SEM1: variants seen among roughly 807,000 people sequenced by gnomAD.
SEM1 encodes 26S proteasome complex subunit SEM1.
In SEM1, 3 loss-of-function variants were observed where a neutral mutation model predicts 12.7. The ratio of observed to expected loss-of-function variants is 0.24; its 90% CI spans 0.11 to 0.61. The LOEUF (loss-of-function observed/expected upper bound fraction) is 0.61. Among genes scored for constraint, SEM1 ranks in the 20% least tolerant of loss-of-function variants. The pLI, the probability that SEM1 is intolerant of heterozygous loss-of-function variation, is 0.88. For synonymous variants in SEM1, 30 were observed against 27.8 expected, an observed-to-expected ratio of 1.08 and a Z score of -0.25; for missense variants, 59 against 81.3, an observed-to-expected ratio of 0.73 and a Z score of 1.06.
At chr7:96,624,881 T>G (rs1341810890) in intron 2 of SEM1, among the ~76,000 whole-genome samples, 2 of 152,178 alleles carry the variant, frequency 1.3e-5, no homozygotes, top group Non-Finnish European at 2.9e-5. Context: ...TTGTAGACTT[T>G]TAGCCAATCT....
intron 2 of SEM1, among the ~76,000 whole-genome samples, chr7:96,529,199 T>G (rs1170958829): frequency 6.6e-6 from 1 of 151,936 alleles, no homozygotes; most frequent in African/African-American, 2.4e-5. Flanking sequence ...ATTCCTTCCC[T>G]CCTCCCAATC....
chr7:96,492,585 ATTTTTTTTTTT>A (rs59252542), intron 1 of SEM1, among the ~76,000 whole-genome samples: 13 of 79,674 alleles, frequency 1.6e-4, no homozygotes, highest in Admixed American at 6.8e-4. Flanking sequence ...AATTTTTTGT[ATTTTTTTTTTT>A]TTTTTTTTTT....
chr7:96,580,644 T>G (rs1806364814), intron 2 of SEM1, among the ~76,000 whole-genome samples: 1 of 151,778 alleles, frequency 6.6e-6, no homozygotes, highest in African/African-American at 2.4e-5. Context: ...GTTTCCTGAC[T>G]TTTTAATGAT....
intron 2 of SEM1, among the ~76,000 whole-genome samples, chr7:96,588,397 C>A (rs762871364): frequency 4.2e-5 from 3 of 72,258 alleles, no homozygotes; most frequent in African/African-American, 1.4e-4. Context: ...CACACACACA[C>A]GAGAGAGAGA....
chr7:96,511,966 G>A (rs1208531681), intron 2 of SEM1, among the ~76,000 whole-genome samples: 1 of 152,094 alleles, frequency 6.6e-6, no homozygotes, highest in Non-Finnish European at 1.5e-5. Flanking sequence ...CTGGGGTGGA[G>A]CCATAGATTC....
chr7:96,494,321 A>G (rs1474374960), intron 1 of SEM1, among the ~76,000 whole-genome samples: 1 of 152,202 alleles, frequency 6.6e-6, no homozygotes, highest in East Asian at 1.9e-4. Flanking sequence ...TCTCCTAAGC[A>G]TTTTGATTAC....
rs531307457 is a variant in SEM1, at chr7:96,542,363, G to A, written c.171-35665C>T. 1.4e-4 allele frequency among the ~76,000 whole-genome samples: 22 copies of A among 151,900 alleles called. No individual in the cohort carries two copies. In the South Asian group the frequency reaches 4.6e-3, roughly 32 times the overall value. The stretch of plus-strand genomic sequence containing the variant: ...TAGGTATTTTGTTTGTGTGGCTGTT[G>A]TAAATGGTATTGTATTCTTGATTTG... On this transcript the variant is annotated intron_variant and NMD_transcript_variant, in intron 2 of 3. Transcript: ENST00000466986.
intron 2 of SEM1, among the ~76,000 whole-genome samples, chr7:96,551,824 C>T (rs1563056721): frequency 6.6e-6 from 1 of 152,014 alleles, no homozygotes; most frequent in Non-Finnish European, 1.5e-5. Flanking sequence ...CTGGCAGCCA[C>T]CAGAAACTAG....
At chr7:96,689,453 T>C (rs1466736538) in intron 2 of SEM1, among the ~76,000 whole-genome samples, 1 of 152,216 alleles carries the variant, frequency 6.6e-6, no homozygotes, top group Non-Finnish European at 1.5e-5. Context: ...TTGACATATA[T>C]GTATTGCTCT....
rs559108725 is a variant in SEM1 at position 96,661,711 on chromosome 7, G to C, written c.170+33087C>G. On this transcript the variant is annotated intron_variant, in intron 2 of 2. Coordinates refer to the SEM1 transcript ENST00000417009. ...CGATTATTAAAAAGTCAGGGGGCCG[G>C]GCGTGGTGCCTCATGCCTGTAATCC... is the stretch of plus-strand genomic sequence containing the variant. Among the ~76,000 whole-genome samples the C allele has an allele frequency of 9.9e-5, 15 of 152,282 alleles. No individual in the cohort carries two copies. The South Asian group carries it at 1.2e-3, about 13-fold the overall frequency.
At chr7:96,656,657 G>T (rs1195472273) in intron 2 of SEM1, 1 of 146,886 alleles carries the variant, frequency 6.8e-6, no homozygotes, top group African/African-American at 2.7e-5. Flanking sequence ...AACTGTCTTG[G>T]TACAACAAAA....
At chr7:96,523,523 A>G (rs1200199124) in intron 2 of SEM1, among the ~76,000 whole-genome samples, 2 of 152,256 alleles carry the variant, frequency 1.3e-5, no homozygotes, top group Non-Finnish European at 2.9e-5. Context: ...GTAAATCAGC[A>G]TATTTCTTGG....
At chr7:96,619,872 A>G (rs932729399), downstream of SEM1, among the ~76,000 whole-genome samples, 18 of 152,104 alleles carry the variant, frequency 1.2e-4, no homozygotes, top group African/African-American at 4.3e-4. Flanking sequence ...GTCAACTCGA[A>G]CTTTGCCCAA....
exon 4 of SEM1, chr7:96,482,619 G>C (rs1185716793): frequency 6.6e-6 from 1 of 152,160 alleles, no homozygotes; most frequent in Non-Finnish European, 1.5e-5. Context: ...ATTCCTGTCA[G>C]ATGGGTCAAC....
chr7:96,599,082 A>T (rs1462545470), intron 2 of SEM1, among the ~76,000 whole-genome samples: 1 of 152,026 alleles, frequency 6.6e-6, no homozygotes, highest in Admixed American at 6.6e-5. Flanking sequence ...GAAGGAAGGG[A>T]AGGAAAAAGG....
intron 1 of SEM1, among the ~76,000 whole-genome samples, chr7:96,708,961 A>G (rs767432988): frequency 6.6e-6 from 1 of 152,008 alleles, no homozygotes; most frequent in Non-Finnish European, 1.5e-5. Flanking sequence ...AAAATGTGTA[A>G]GGTTTAGGTT....
At chr7:96,669,020 T>G (rs1476774803), downstream of SEM1, among the ~76,000 whole-genome samples, 3 of 152,138 alleles carry the variant, frequency 2.0e-5, no homozygotes, top group Admixed American at 6.6e-5. Context: ...GAAGGATTCT[T>G]TCTCACAGGT....
chr7:96,669,381 G>C (rs935359731), downstream of SEM1, among the ~76,000 whole-genome samples: 1 of 152,142 alleles, frequency 6.6e-6, no homozygotes, highest in Admixed American at 6.5e-5. Flanking sequence ...GTAAATCAAT[G>C]AGTGTGGTTA....
chr7:96,555,343 C>G (rs1805447772), intron 2 of SEM1, among the ~76,000 whole-genome samples: 1 of 151,286 alleles, frequency 6.6e-6, no homozygotes, highest in African/African-American at 2.4e-5. Context: ...TGTAAATTTC[C>G]CTCTACACAC....
Sources: allele counts gnomAD v4.1 joint callset (sites outside exome capture counted in the v4.1 genomes callset), GRCh38; gene constraint gnomAD v4.1.1; transcripts MANE v1.5; gene names NCBI Gene and HGNC (gene_info 2026-07-23, HGNC 2026-07-21).